TDRD7: variants seen among roughly 807,000 people sequenced by gnomAD.
TDRD7 encodes tudor domain containing 7, also known as tudor domain-containing protein 7.
Under a neutral mutation model 109.8 loss-of-function variants are expected in TDRD7, and 47 were observed. The observed-to-expected ratio is 0.43, with a 90% CI of 0.34 to 0.55. TDRD7 has a LOEUF of 0.55. TDRD7 is among the 20% of genes least tolerant of loss of function. TDRD7 has a pLI of 0.03. For missense variants in TDRD7, 1,164 were observed against 1,319.2 expected (o/e 0.88, Z 1.82); for synonymous variants, 424 against 457.3 (o/e 0.93, Z 0.93).
rs751539957 is a variant in TDRD7 at position 97,441,753 on chromosome 9, C to T, written c.733C>T (p.Leu245=). ...GGTTCAAAATCGCATAAAGGAAATA[C>T]TAAACAAGCATAACAATGGCATTTG... The part of the protein sequence containing the change: ...DEVQNRIKEI[L]NKHNNGIWIS... Residue 245 remains leucine, a synonymous_variant, in exon 6 of 17, where the codon CTA becomes TTA. Coordinates refer to ENST00000355295, the MANE Select transcript of TDRD7 (RefSeq NM_014290.3). 3.1e-6 allele frequency: 5 copies of T among 1,613,724 alleles called. No individual in the cohort carries two copies. The highest frequency in any genetic ancestry group is 4.2e-6 in the Non-Finnish European group (5 of 1,179,830).
intron 5 of TDRD7, among the ~76,000 whole-genome samples, chr9:97,440,162 G>A (rs1203033012): frequency 6.6e-6 from 1 of 152,078 alleles, no homozygotes; most frequent in African/African-American, 2.4e-5. Context: ...TGACTACATG[G>A]CAAAGTTGAA....
intron 1 of TDRD7, among the ~76,000 whole-genome samples, chr9:97,426,974 A>T (rs1828008073): frequency 2.0e-5 from 3 of 152,210 alleles, no homozygotes; most frequent in South Asian, 4.1e-4. Context: ...GGCCACATTT[A>T]ATTTAAGGTA....
intron 2 of TDRD7, among the ~76,000 whole-genome samples, chr9:97,429,139 G>A (rs924945925): frequency 1.3e-5 from 2 of 152,088 alleles, no homozygotes; most frequent in African/African-American, 4.8e-5. Flanking sequence ...AACTACCGGG[G>A]CCTCCTTGCT....
chr9:97,460,490 A>G lies in TDRD7; in HGVS notation c.1168A>G (p.Ile390Val), dbSNP rs985346487. The G allele has an allele frequency of 1.2e-6, 2 of 1,614,226 alleles. No homozygotes were observed. Among genetic ancestry groups the G allele is most frequent in the Non-Finnish European group, 1.7e-6 (2 of 1,180,044 alleles). ...NLASLSDVCS[I>V]DYISGNPQKA... is the part of the protein sequence containing the mutation. Reference sequence around the variant, plus strand: ...TGCCTCACTTTCTGATGTATGCAGCATAGACTACATTTCTGGAAATCCCCA... The same window carrying G: ...TGCCTCACTTTCTGATGTATGCAGCGTAGACTACATTTCTGGAAATCCCCA... The change falls in exon 7 of 17, where the codon ATA (isoleucine) becomes GTA (valine). Residue 390 changes from isoleucine (I) to valine (V), a missense_variant. By Grantham distance (29) the Ile-to-Val change is conservative (BLOSUM62 3). Transcript: ENST00000355295.
In TDRD7 at chr9:97,437,222, G is replaced by A. The variant is rs930120383; in HGVS notation, c.564-2023G>A. The stretch of plus-strand genomic sequence containing the variant: ...GTCAAGCTGGGTCCTCTGCTTCAGG[G>A]TCTCTCATGAGGCTGCTGTCAAGGT... On this transcript the variant is annotated intron_variant, in intron 4 of 16. Transcript: ENST00000355295. Among the ~76,000 whole-genome samples the A allele has an allele frequency of 8.5e-5, 13 of 152,294 alleles. No homozygotes were observed. The Middle Eastern group carries it at 0.01, about 120-fold the overall frequency.
At chr9:97,484,248 A>G (rs925472357) in intron 15 of TDRD7, among the ~76,000 whole-genome samples, 10 of 152,038 alleles carry the variant, frequency 6.6e-5, no homozygotes, top group Admixed American at 5.9e-4. Flanking sequence ...TGTTTTTTCT[A>G]ATATTTTCAC....
chr9:97,418,257 T>C (rs1203177015), intron 1 of TDRD7, among the ~76,000 whole-genome samples: 2 of 151,990 alleles, frequency 1.3e-5, no homozygotes, highest in Non-Finnish European at 2.9e-5. Flanking sequence ...AAATGTGAGG[T>C]TGGATAGGGT....
At chr9:97,428,796 G>T (rs1828051433) in intron 2 of TDRD7, 124 bp downstream of exon 2, 3 of 892,592 alleles carry the variant, frequency 3.4e-6, no homozygotes, top group Admixed American at 3.9e-5. Context: ...TTTGGGATTG[G>T]TAGTGACAGA....
chr9:97,416,515 G>A (rs113410137), intron 1 of TDRD7, among the ~76,000 whole-genome samples: 5 of 152,216 alleles, frequency 3.3e-5, no homozygotes, highest in African/African-American at 9.6e-5. Context: ...TATTCAAGCC[G>A]TGCCTGCTGC....
At chr9:97,432,670 A>G (rs1053673386) in intron 4 of TDRD7, among the ~76,000 whole-genome samples, 1 of 152,192 alleles carries the variant, frequency 6.6e-6, no homozygotes, top group African/African-American at 2.4e-5. Flanking sequence ...CAATAATAAG[A>G]CAACCTATAA....
At chr9:97,478,594 G>T (rs776259154) in intron 13 of TDRD7, 21 bp downstream of exon 13, 1 of 1,613,596 alleles carries the variant, frequency 6.2e-7, no homozygotes, top group Non-Finnish European at 8.5e-7. Flanking sequence ...ACCAGCCTGG[G>T]AGATTTGCTG....
chr9:97,461,747 G>A (rs1477718368), intron 7 of TDRD7, among the ~76,000 whole-genome samples: 3 of 152,202 alleles, frequency 2.0e-5, no homozygotes, highest in African/African-American at 7.2e-5. Flanking sequence ...GGCCATGGCT[G>A]GGCAGATCAG....
intron 2 of TDRD7, among the ~76,000 whole-genome samples, chr9:97,430,045 A>C (rs1025799330): frequency 1.3e-5 from 2 of 152,182 alleles, no homozygotes; most frequent in Non-Finnish European, 2.9e-5. Flanking sequence ...ACTGGGCCAA[A>C]GAGTAGGAAC....
intron 8 of TDRD7, 100 bp downstream of exon 8, chr9:97,465,128 C>T (rs1587882014): frequency 7.1e-7 from 1 of 1,405,430 alleles, no homozygotes; most frequent in Admixed American, 2.2e-5. Context: ...AATGTTGTAT[C>T]CTATAATTAA....
chr9:97,487,329 G>A lies in TDRD7; in HGVS notation c.3073G>A (p.Ala1025Thr). The stretch of plus-strand genomic sequence containing the variant: ...CTTCCAAGCAGTCACAGCTCAACTT[G>A]CAGGTAATTTCTGTGGAATCTGAAC... The part of the protein sequence containing the change: ...LPFQAVTAQL[A>T]GVKCNQWSEE... Residue 1025 changes from alanine (A) to threonine (T), a missense_variant, in exon 16 of 17, where the codon GCA (alanine) becomes ACA (threonine). Physicochemically the swap from Ala to Thr is moderately conservative, Grantham distance 58. Around this residue, in one of 5 missense-constraint regions of TDRD7, gnomAD observed 162 missense variants for 222.5 expected, o/e 0.73. Transcript: ENST00000355295. The A allele has an allele frequency of 6.2e-7, 1 of 1,613,868 alleles. No homozygotes were observed. Among genetic ancestry groups the A allele is most frequent in the Non-Finnish European group, 8.5e-7 (1 of 1,179,858 alleles).
At chr9:97,427,964 A>ATATAG (rs968337381) in intron 1 of TDRD7, among the ~76,000 whole-genome samples, 3 of 152,180 alleles carry the variant, frequency 2.0e-5, no homozygotes, top group Admixed American at 6.5e-5. Flanking sequence ...CATGAGCATA[A>ATATAG]TATAGTAGTC....
chr9:97,491,956 GT>G (rs1309125165), intron 16 of TDRD7, among the ~76,000 whole-genome samples: 2 of 152,186 alleles, frequency 1.3e-5, no homozygotes, highest in Non-Finnish European at 2.9e-5. Context: ...TTCCCCTGGA[GT>G]TTTTAACTCT....
chr9:97,488,570 T>G (rs1173573460), intron 16 of TDRD7, among the ~76,000 whole-genome samples: 7 of 151,700 alleles, frequency 4.6e-5, no homozygotes, highest in South Asian at 2.1e-4. Context: ...GTTTTTTTTT[T>G]TTTTTTTTTG....
chr9:97,494,726 C>CGAGAGA (rs5899309), intron 16 of TDRD7, among the ~76,000 whole-genome samples: 2 of 138,910 alleles, frequency 1.4e-5, no homozygotes, highest in African/African-American at 5.3e-5. Flanking sequence ...TTTTTTTTTT[C>CGAGAGA]GAGAGGGTCT....
Sources: gnomAD v4.1 joint callset for allele counts (sites outside exome capture counted in the v4.1 genomes callset) on GRCh38, gnomAD v4.1.1 for gene constraint, gnomAD v4.1.1 regional missense constraint, MANE v1.5 for transcripts, NCBI Gene and HGNC (gene_info 2026-07-23, HGNC 2026-07-21) for gene names.